Variants in SLC12A8 observed in about 807,000 individuals in gnomAD.
SLC12A8 encodes cation-chloride cotransporter 9.
SLC12A8 carries 69 observed loss-of-function variants against 75.6 expected under a neutral mutation model. The observed-to-expected ratio is 0.91, with a 90% CI of 0.75 to 1.11. SLC12A8 has a LOEUF of 1.11. Ranked by LOEUF, SLC12A8 falls within the 50% of genes most tolerant of loss-of-function variation. SLC12A8 has a pLI of 0.00. For synonymous variants in SLC12A8, 365 were observed against 372.8 expected (o/e 0.98, Z 0.24); for missense variants, 877 against 896.7 (o/e 0.98, Z 0.28).
intron 5 of SLC12A8, among the ~76,000 whole-genome samples, chr3:125,171,119 TAA>T (rs1261116561): frequency 3.9e-5 from 6 of 152,248 alleles, no homozygotes; most frequent in Admixed American, 6.5e-5. Context: ...TAGTTTGACT[TAA>T]GTGTATTTAT....
intron 5 of SLC12A8, among the ~76,000 whole-genome samples, chr3:125,146,575 T>C (rs972822999): frequency 6.6e-6 from 1 of 152,130 alleles, no homozygotes; most frequent in Non-Finnish European, 1.5e-5. Context: ...AGGCCTGGGC[T>C]CCTCCCTGCC....
At chr3:125,160,377 C>CA (rs1934141274) in intron 5 of SLC12A8, among the ~76,000 whole-genome samples, 2 of 152,176 alleles carry the variant, frequency 1.3e-5, no homozygotes, top group Non-Finnish European at 2.9e-5. Flanking sequence ...ATATAAAGTA[C>CA]AAAAAATCAG....
intron 5 of SLC12A8, among the ~76,000 whole-genome samples, chr3:125,152,392 A>G (rs1335098539): frequency 6.6e-6 from 1 of 152,124 alleles, no homozygotes; most frequent in Non-Finnish European, 1.5e-5. Context: ...TTACAGATTT[A>G]CTGTTTGAAT....
chr3:125,180,197 G>A (rs1425751966), intron 4 of SLC12A8, among the ~76,000 whole-genome samples: 2 of 151,876 alleles, frequency 1.3e-5, no homozygotes, highest in African/African-American at 4.8e-5. Flanking sequence ...AGGGTAGGGG[G>A]TGGGGGAAGC....
intron 5 of SLC12A8, among the ~76,000 whole-genome samples, chr3:125,152,033 T>TA (rs1300703562): frequency 2.0e-5 from 3 of 152,340 alleles, no homozygotes; most frequent in African/African-American, 7.2e-5. Context: ...GAGCCAGGAC[T>TA]AAAATCCAGG....
chr3:125,208,777 CACACACACACACACAG>C (rs1350160443), intron 2 of SLC12A8, among the ~76,000 whole-genome samples: 11 of 124,314 alleles, frequency 8.8e-5, no homozygotes, highest in East Asian at 2.1e-4. Flanking sequence ...CACACACACA[CACACACACACACACAG>C]AGAGAGAGAG....
intron 10 of SLC12A8, among the ~76,000 whole-genome samples, chr3:125,095,309 C>T (rs1029238509): frequency 1.3e-5 from 2 of 152,192 alleles, no homozygotes; most frequent in African/African-American, 4.8e-5. Flanking sequence ...AATAACACCA[C>T]CATTTACACA....
In SLC12A8 at chr3:125,132,069, G is replaced by T. The variant is rs896720111; in HGVS notation, c.736+3600C>A. Among the ~76,000 whole-genome samples the T allele has an allele frequency of 2.0e-5, 3 of 152,170 alleles. No homozygotes were observed. The East Asian group carries it at 5.8e-4, about 29-fold the overall frequency. On this transcript the variant is annotated intron_variant, in intron 6 of 13. Coordinates refer to ENST00000469902, the MANE Select transcript of SLC12A8 (RefSeq NM_024628.6). ...GCCCTATGGACAGGACAATGGGAAG[G>T]CCTGGTTCTGTTTACAGATAAGGAA...
chr3:125,097,967 T>C (rs190209240), intron 10 of SLC12A8, among the ~76,000 whole-genome samples: 135 of 152,224 alleles, frequency 8.9e-4, no homozygotes, highest in African/African-American at 3.2e-3. Flanking sequence ...ACATAACAAA[T>C]ATAAGGCAAA....
intron 10 of SLC12A8, among the ~76,000 whole-genome samples, chr3:125,100,110 GA>G (rs1254056535): frequency 6.6e-6 from 1 of 152,162 alleles, no homozygotes; most frequent in Non-Finnish European, 1.5e-5. Context: ...AACAGAGGGG[GA>G]AAGGTGGAAG....
intron 5 of SLC12A8, among the ~76,000 whole-genome samples, chr3:125,176,272 T>C (rs889617263): frequency 6.6e-6 from 1 of 152,184 alleles, no homozygotes; most frequent in Non-Finnish European, 1.5e-5. Flanking sequence ...GGTTTCACCA[T>C]GTTGGTCAGG....
intron 5 of SLC12A8, among the ~76,000 whole-genome samples, chr3:125,174,983 T>G (rs562140319): frequency 4.3e-4 from 65 of 152,328 alleles, no homozygotes; most frequent in African/African-American, 1.5e-3. Flanking sequence ...GGTTCATCAC[T>G]TCCAGTAAAT....
At chr3:125,112,077 G>C (rs1939201803) in intron 8 of SLC12A8, among the ~76,000 whole-genome samples, 1 of 152,230 alleles carries the variant, frequency 6.6e-6, no homozygotes, top group Non-Finnish European at 1.5e-5. Flanking sequence ...ACAGGCAAAA[G>C]AGGTCTGGTC....
At chr3:125,138,137 C>T (rs564329408) in intron 5 of SLC12A8, among the ~76,000 whole-genome samples, 1 of 152,350 alleles carries the variant, frequency 6.6e-6, no homozygotes, top group East Asian at 1.9e-4. Flanking sequence ...TGCAGTGGCT[C>T]ACGCCTGTAA....
Position 125,199,347 on chromosome 3 carries a change from A to G in SLC12A8, c.52-8826T>C, listed in dbSNP as rs142497052. Among the ~76,000 whole-genome samples the G allele has an allele frequency of 1.7e-3, 262 of 152,304 alleles. 1 individual carries two copies. The highest frequency in any genetic ancestry group is 6.1e-3 in the African/African-American group (252 of 41,564). ...AGTATGTGGGGTTTTTTATTGTATT[A>G]TTACAACTTTTCTGTAAGTGTAAAA... is the stretch of plus-strand genomic sequence containing the variant. On this transcript the variant is annotated intron_variant, in intron 2 of 13. Coordinates refer to ENST00000469902, the MANE Select transcript of SLC12A8 (RefSeq NM_024628.6).
At chr3:125,157,672 T>C (rs1243472892) in intron 5 of SLC12A8, among the ~76,000 whole-genome samples, 1 of 152,210 alleles carries the variant, frequency 6.6e-6, no homozygotes, top group East Asian at 1.9e-4. Context: ...GCTGTTCCTG[T>C]TCCTTGGGAT....
intron 3 of SLC12A8, among the ~76,000 whole-genome samples, chr3:125,187,703 G>A (rs547908336): frequency 6.6e-6 from 1 of 152,096 alleles, no homozygotes; most frequent in Non-Finnish European, 1.5e-5. Context: ...CCCTCACGAG[G>A]TGCCTCCTAA....
At chr3:125,153,007 C>G (rs677412) in intron 5 of SLC12A8, among the ~76,000 whole-genome samples, 90,907 of 151,966 alleles carry the variant, frequency 0.6, 27,546 homozygotes, top group South Asian at 0.68. Flanking sequence ...CCAGGCGCTC[C>G]GTCCACCCTG....
chr3:125,098,794 A>C (rs979997334), intron 10 of SLC12A8, among the ~76,000 whole-genome samples: 1 of 152,198 alleles, frequency 6.6e-6, no homozygotes, highest in Non-Finnish European at 1.5e-5. Context: ...GTTTGCTGTC[A>C]GAGGGGCAAA....
Sources: gnomAD v4.1 joint callset for allele counts (sites outside exome capture counted in the v4.1 genomes callset) on GRCh38, gnomAD v4.1.1 for gene constraint, MANE v1.5 for transcripts, NCBI Gene and HGNC (gene_info 2026-07-23, HGNC 2026-07-21) for gene names.